The following TBC1D16 variants were observed in gnomAD, a reference collection of about 807,000 sequenced individuals.
The protein encoded by TBC1D16 is CTD-2529O21.1.
TBC1D16 carries 58 observed loss-of-function variants against 74.7 expected under a neutral mutation model. That is an observed-to-expected ratio of 0.78 (90% CI 0.63 to 0.97). The LOEUF (loss-of-function observed/expected upper bound fraction) is 0.97, where lower values mean the gene tolerates loss of function less well. Ranked by LOEUF, TBC1D16 falls within the 50% of genes least tolerant of loss-of-function variation. TBC1D16 has a pLI of 0.00. For missense variants in TBC1D16, 1,014 were observed against 1,079.5 expected (o/e 0.94, Z 0.85); for synonymous variants, 493 against 474.7 (o/e 1.04, Z -0.50).
intron 3 of TBC1D16, chr17:79,992,429 T>TG (rs1255587215): frequency 6.6e-6 from 1 of 151,902 alleles, no homozygotes; most frequent in South Asian, 2.1e-4. Context: ...GGCCAGGGGG[T>TG]GGGGTATCCT....
chr17:79,991,898 G>A (rs1190867128), intron 3 of TBC1D16: 2 of 152,114 alleles, frequency 1.3e-5, no homozygotes, highest in African/African-American at 4.8e-5. Context: ...GCAGCTGGCG[G>A]GGGTGGGGGG....
At chr17:79,963,355 G>C (rs78696486) in intron 3 of TBC1D16, among the ~76,000 whole-genome samples, 2,415 of 151,840 alleles carry the variant, frequency 0.016, 74 homozygotes, top group African/African-American at 0.055. Context: ...TTGTCTTTTT[G>C]TGACTGGCTT....
chr17:79,947,530 G>T, intron 9 of TBC1D16, 115 bp downstream of exon 9: 1 of 1,181,164 alleles, frequency 8.5e-7, no homozygotes, highest in Non-Finnish European at 1.2e-6. Context: ...CGTTCCCACT[G>T]CCCACTGACC....
chr17:79,942,018 GGGGGC>G (rs750635187), intron 11 of TBC1D16, 37 bp downstream of exon 11: 5 of 1,537,424 alleles, frequency 3.3e-6, no homozygotes, highest in Non-Finnish European at 4.4e-6. Flanking sequence ...GTGGGGCTTT[GGGGGC>G]GGGGCGGGGT....
intron 1 of TBC1D16, among the ~76,000 whole-genome samples, chr17:80,030,921 C>G (rs2036753866): frequency 6.6e-6 from 1 of 152,228 alleles, no homozygotes; most frequent in Non-Finnish European, 1.5e-5. Context: ...GCTTTGCCCT[C>G]AAAGCCCAAG....
chr17:79,982,499 C>A (rs1371924015), intron 3 of TBC1D16, among the ~76,000 whole-genome samples: 3 of 151,970 alleles, frequency 2.0e-5, no homozygotes, highest in Admixed American at 1.3e-4. Flanking sequence ...TTCACGTCTG[C>A]ACACAATACA....
chr17:79,948,588 G>A (rs528617473), intron 8 of TBC1D16, among the ~76,000 whole-genome samples: 94 of 152,270 alleles, frequency 6.2e-4, no homozygotes, highest in Non-Finnish European at 8.5e-4. Context: ...TGGGGAAGCT[G>A]GTCCATGGTT....
chr17:80,003,326 C>T (rs2035560265), intron 3 of TBC1D16, among the ~76,000 whole-genome samples: 1 of 152,198 alleles, frequency 6.6e-6, no homozygotes, highest in Non-Finnish European at 1.5e-5. Flanking sequence ...CTTGCCTAGG[C>T]TGGCCACCCC....
intron 1 of TBC1D16, among the ~76,000 whole-genome samples, chr17:80,032,812 C>T (rs2036819976): frequency 6.6e-6 from 1 of 152,298 alleles, no homozygotes; most frequent in East Asian, 1.9e-4. Flanking sequence ...CACCCGCCCC[C>T]GGTGCTTAAT....
Position 80,008,117 on chromosome 17 carries a change from G to C in TBC1D16, c.779+2043C>G, listed in dbSNP as rs562770302. ...ATCACTGCTCTAGAAGAACCTGGAGGGACCTGGGCATCAGCGTCTAAAGGC... is the reference window on the plus strand; with the variant it reads ...ATCACTGCTCTAGAAGAACCTGGAGCGACCTGGGCATCAGCGTCTAAAGGC... On this transcript the variant is annotated intron_variant, in intron 3 of 11. Transcript: ENST00000310924. The surrounding 1 kb of genome is among the most constrained non-coding windows in gnomAD (Gnocchi z 4.5). 2.1e-3 allele frequency among the ~76,000 whole-genome samples: 319 copies of C among 152,170 alleles called. 2 individuals carry two copies. Among genetic ancestry groups the C allele is most frequent in the African/African-American group, 7.5e-3 (313 of 41,500 alleles).
At chr17:80,002,192 C>G (rs7213519) in intron 3 of TBC1D16, among the ~76,000 whole-genome samples, 1 of 152,250 alleles carries the variant, frequency 6.6e-6, no homozygotes, top group Non-Finnish European at 1.5e-5. Context: ...CGCACTGGCT[C>G]TAGCTCATTC....
chr17:80,025,342 G>A (rs1598445730), intron 1 of TBC1D16, among the ~76,000 whole-genome samples: 1 of 4,734 alleles, frequency 2.1e-4, no homozygotes, highest in Admixed American at 2.4e-3. Context: ...AGCCCCAGGC[G>A]GATCCGGGGC....
rs1341906202 is a variant in TBC1D16, at chr17:79,965,293, G to C, written c.780-12475C>G. On this transcript the variant is annotated intron_variant, in intron 3 of 11. Coordinates refer to ENST00000310924, the MANE Select transcript of TBC1D16 (RefSeq NM_019020.4). ...GACAGGGTTTCACCATGTTGGCCAGGCTGGTCTTTAACTCCTGACCTCAAA... is the reference window on the plus strand; with the variant it reads ...GACAGGGTTTCACCATGTTGGCCAGCCTGGTCTTTAACTCCTGACCTCAAA... Among the ~76,000 whole-genome samples the C allele has an allele frequency of 3.9e-5, 6 of 152,072 alleles. No individual in the cohort carries two copies. The East Asian group carries it at 1.2e-3, about 29-fold the overall frequency.
intron 3 of TBC1D16, among the ~76,000 whole-genome samples, chr17:79,967,625 C>T (rs1001575534): frequency 1.1e-4 from 16 of 152,190 alleles, no homozygotes; most frequent in Admixed American, 5.9e-4. Context: ...AGGCATCCCA[C>T]GTTCATGGAT....
At position 79,947,748 on chromosome 17, in the gene TBC1D16, G is replaced by A. The variant is rs761555537; in HGVS notation, c.1625C>T (p.Ala542Val). The A allele has an allele frequency of 1.2e-6, 2 of 1,613,978 alleles. No homozygotes were observed. Among genetic ancestry groups the A allele is most frequent in the South Asian group, 2.2e-5 (2 of 91,090 alleles). ...GGTGTCTGACTCATCCAGGACCTCG[G>A]CCAAGATGGGCGCCACCAGGTCCGA... ...GMSDLVAPIL[A>V]EVLDESDTFW... The change falls in exon 9 of 12, where the codon GCC becomes GTC. Residue 542 changes from alanine (A) to valine (V), a missense_variant. Physicochemically the swap from Ala to Val is moderately conservative, Grantham distance 64. Coordinates refer to ENST00000310924, the MANE Select transcript of TBC1D16 (RefSeq NM_019020.4).
At chr17:79,949,109 C>A in intron 7 of TBC1D16, 103 bp from the exon 8 acceptor site, 1 of 1,498,680 alleles carries the variant, frequency 6.7e-7, no homozygotes, top group Non-Finnish European at 9.1e-7. Context: ...ACCCCCGTTC[C>A]CTGGACGGGA....
At chr17:79,996,740 T>C (rs905035491) in intron 3 of TBC1D16, among the ~76,000 whole-genome samples, 6 of 152,174 alleles carry the variant, frequency 3.9e-5, no homozygotes, top group African/African-American at 1.2e-4. Flanking sequence ...AAAAAACGTA[T>C]TTTAAAAAAC....
rs1317302120 is a variant in TBC1D16, at chr17:80,035,635, C to T, written c.-63+160G>A. Among the ~76,000 whole-genome samples the T allele has an allele frequency of 6.6e-6, 1 of 151,050 alleles. No homozygotes were observed. Among genetic ancestry groups the T allele is most frequent in the Non-Finnish European group, 1.5e-5 (1 of 67,654 alleles). ...CTGGCGCCCCGCACCCCGAGGACGG[C>T]GGCCGGACCCCGGCCCCTCCCCGGT... On this transcript the variant is annotated intron_variant, in intron 1 of 11. Coordinates refer to ENST00000310924, the MANE Select transcript of TBC1D16 (RefSeq NM_019020.4). This position sits in a 1 kb window ranked among gnomAD's most constrained non-coding sequence, Gnocchi z 5.3.
chr17:80,008,329 C>A lies in TBC1D16; in HGVS notation c.779+1831G>T, dbSNP rs993504099. 1.4e-4 allele frequency among the ~76,000 whole-genome samples: 21 copies of A among 152,188 alleles called. No individual in the cohort carries two copies. The highest frequency in any genetic ancestry group is 4.8e-4 in the African/African-American group (20 of 41,444). ...CCCAGGTTCACACTAACCAGTGATGCCAGGACTCAACCGGCACTCAACTCC... is the reference window on the plus strand; with the variant it reads ...CCCAGGTTCACACTAACCAGTGATGACAGGACTCAACCGGCACTCAACTCC... On this transcript the variant is annotated intron_variant, in intron 3 of 11. Transcript: ENST00000310924. The surrounding 1 kb of genome is among the most constrained non-coding windows in gnomAD (Gnocchi z 4.5).
Sources: allele counts gnomAD v4.1 joint callset (sites outside exome capture counted in the v4.1 genomes callset), GRCh38; gene constraint gnomAD v4.1.1; non-coding constraint Gnocchi (gnomAD v3.1); transcripts MANE v1.5; gene names NCBI Gene and HGNC (gene_info 2026-07-23, HGNC 2026-07-21).